CHRNA7: variants seen among roughly 807,000 people sequenced by gnomAD.
The protein encoded by CHRNA7 is cholinergic receptor nicotinic alpha 7 subunit.
Under a neutral mutation model 48.0 loss-of-function variants are expected in CHRNA7, and 17 were observed. That is an observed-to-expected ratio of 0.35 (90% CI 0.24 to 0.53). The LOEUF is 0.53. Among genes scored for constraint, CHRNA7 ranks in the 20% least tolerant of loss-of-function variants. The pLI is 0.92. For missense variants in CHRNA7, 155 were observed against 577.7 expected (o/e 0.27, Z 7.50); for synonymous variants, 75 against 242.3 (o/e 0.31, Z 6.41).
intron 2 of CHRNA7, among the ~76,000 whole-genome samples, chr15:32,052,520 A>G (rs1055451082): frequency 1.3e-5 from 2 of 152,094 alleles, no homozygotes; most frequent in African/African-American, 4.8e-5. Flanking sequence ...CACAAGGTCA[A>G]GAGATTGAGA....
chr15:32,030,793 G>A (rs963034292), intron 1 of CHRNA7, 105 bp from the exon 2 acceptor site: 3 of 1,516,530 alleles, frequency 2.0e-6, no homozygotes, highest in African/African-American at 2.8e-5. Context: ...GGGGCTGCTT[G>A]TCTGGGCTGC....
chr15:32,161,629 CT>C (rs1474333718), intron 8 of CHRNA7: 1 of 131,084 alleles, frequency 7.6e-6, no homozygotes, highest in African/African-American at 3.0e-5. Flanking sequence ...TCTTTAGCCT[CT>C]TTTTATGAAG....
intron 3 of CHRNA7, among the ~76,000 whole-genome samples, chr15:32,107,667 C>T (rs548381913): frequency 1.4e-4 from 21 of 152,164 alleles, no homozygotes; most frequent in East Asian, 1.2e-3. Context: ...GCGTCGTGGC[C>T]GCAAGGGTGC....
intron 2 of CHRNA7, among the ~76,000 whole-genome samples, chr15:32,037,325 AC>A (rs1398114145): frequency 1.3e-5 from 2 of 152,164 alleles, no homozygotes; most frequent in African/African-American, 4.8e-5. Context: ...AGTCTTGATT[AC>A]TATAGCTTTA....
chr15:32,056,623 C>G (rs1377276721), intron 2 of CHRNA7, among the ~76,000 whole-genome samples: 2 of 152,038 alleles, frequency 1.3e-5, no homozygotes, highest in Non-Finnish European at 2.9e-5. Context: ...TTTACAAAGT[C>G]AGTAGTAAAG....
intron 2 of CHRNA7, among the ~76,000 whole-genome samples, chr15:32,064,228 CTTCT>C (rs891251250): frequency 5.9e-5 from 9 of 152,094 alleles, no homozygotes; most frequent in Non-Finnish European, 1.2e-4. Context: ...CCTCCTTCTT[CTTCT>C]TTCTTCCTCC....
chr15:32,136,904 C>G (rs527653446), intron 4 of CHRNA7, among the ~76,000 whole-genome samples: 1 of 148,014 alleles, frequency 6.8e-6, no homozygotes, highest in Non-Finnish European at 1.5e-5. Context: ...TGGTGGCGGG[C>G]GCCTGTAGTC....
In CHRNA7 at chr15:32,073,122, G is replaced by A. The variant is rs189880505; in HGVS notation, c.196-28181G>A. Among the ~76,000 whole-genome samples the A allele has an allele frequency of 2.0e-3, 298 of 152,342 alleles. 1 individual carries two copies. The highest frequency in any genetic ancestry group is 6.6e-3 in the African/African-American group (274 of 41,576). The stretch of plus-strand genomic sequence containing the variant: ...TCCAACTTGTGTGAGCAGCCACAGA[G>A]AGGGCACACTCTCCAAAGCCACAGG... On this transcript the variant is annotated intron_variant, in intron 2 of 9. Coordinates refer to ENST00000306901, the MANE Select transcript of CHRNA7 (RefSeq NM_000746.6).
At chr15:32,094,102 C>T (rs1214891816) in intron 2 of CHRNA7, among the ~76,000 whole-genome samples, 1 of 152,130 alleles carries the variant, frequency 6.6e-6, no homozygotes, top group East Asian at 1.9e-4. Context: ...CAGAAATAAG[C>T]ATATATCTGT....
At chr15:32,106,109 ACCAGCCTGGCTTGAC>A (rs984591170) in intron 3 of CHRNA7, among the ~76,000 whole-genome samples, 30 of 152,138 alleles carry the variant, frequency 2.0e-4, no homozygotes, top group African/African-American at 7.2e-4. Context: ...CTGGCTGGGG[ACCAGCCTGGCTTGAC>A]CCAGCACGAT....
chr15:32,087,258 T>A (rs937852563), intron 2 of CHRNA7, among the ~76,000 whole-genome samples: 2 of 152,254 alleles, frequency 1.3e-5, no homozygotes, highest in Admixed American at 6.5e-5. Flanking sequence ...TTACTGTTTT[T>A]TACCACTAGG....
chr15:32,140,535 C>A (rs1047787672), intron 4 of CHRNA7, among the ~76,000 whole-genome samples: 4 of 152,192 alleles, frequency 2.6e-5, no homozygotes, highest in Admixed American at 1.3e-4. Context: ...ACACTCCCAC[C>A]AGCAGTGTAA....
chr15:32,030,878 C>T lies in CHRNA7; in HGVS notation c.56-20C>T, dbSNP rs1173106872. ...CGCCGGCCTGCCCTGAGCCCCCTGC[C>T]CGGGTCTTCTCTCCTTAAGTGTCCC... On this transcript the variant is annotated intron_variant, in intron 1 of 9. Coordinates refer to ENST00000306901, the MANE Select transcript of CHRNA7 (RefSeq NM_000746.6). 1.2e-6 allele frequency: 2 copies of T among 1,612,190 alleles called. No homozygotes were observed.
chr15:32,059,471 G>T (rs972606631), intron 2 of CHRNA7, among the ~76,000 whole-genome samples: 12 of 152,066 alleles, frequency 7.9e-5, no homozygotes, highest in Admixed American at 5.9e-4. Flanking sequence ...CTCCTGCATT[G>T]TTTTGCTTTG....
intron 4 of CHRNA7, among the ~76,000 whole-genome samples, chr15:32,136,360 A>G (rs2337510): frequency 0.56 from 84,263 of 151,348 alleles, 23,817 homozygotes; most frequent in East Asian, 0.7. Flanking sequence ...GCGTGGTGGC[A>G]TGTGCCTGTA....
intron 2 of CHRNA7, among the ~76,000 whole-genome samples, chr15:32,084,528 T>C (rs1166663860): frequency 6.6e-6 from 1 of 152,220 alleles, no homozygotes; most frequent in Non-Finnish European, 1.5e-5. Context: ...CCGTGGTGGC[T>C]CCAGTAGAGG....
intron 4 of CHRNA7, among the ~76,000 whole-genome samples, chr15:32,132,415 T>TA (rs1420043528): frequency 6.6e-6 from 1 of 152,208 alleles, no homozygotes; most frequent in Non-Finnish European, 1.5e-5. Flanking sequence ...ACAGCCTTCT[T>TA]ATGTTTATTT....
rs1008686425 is a variant in CHRNA7, at chr15:32,149,676, T to C, written c.351-4231T>C. 1.3e-5 allele frequency among the ~76,000 whole-genome samples: 2 copies of C among 152,212 alleles called. No homozygotes were observed. The highest frequency in any genetic ancestry group is 3.8e-4 in the East Asian group (2 of 5,204). On this transcript the variant is annotated intron_variant, in intron 4 of 9. Transcript: ENST00000306901. This position sits in a 1 kb window ranked among gnomAD's most constrained non-coding sequence, Gnocchi z 4.6. ...TTTGGATTTTGATAACATTTATGTG[T>C]TACAATTTCATGTAGCTCAATATTC... is the stretch of plus-strand genomic sequence containing the variant.
At chr15:32,105,318 G>C (rs536831178) in intron 3 of CHRNA7, among the ~76,000 whole-genome samples, 1 of 152,188 alleles carries the variant, frequency 6.6e-6, no homozygotes, top group South Asian at 2.1e-4. Flanking sequence ...TAATTAACAC[G>C]TTTAGAAGAA....
Sources: gnomAD v4.1 joint callset for allele counts (sites outside exome capture counted in the v4.1 genomes callset) on GRCh38, gnomAD v4.1.1 for gene constraint, Gnocchi (gnomAD v3.1) non-coding constraint, MANE v1.5 for transcripts, NCBI Gene and HGNC (gene_info 2026-07-23, HGNC 2026-07-21) for gene names.